ZNF462: variants seen among roughly 807,000 people sequenced by gnomAD.
ZNF462 encodes zinc finger PBX1-interacting protein.
In ZNF462, 10 loss-of-function variants were observed where a neutral mutation model predicts 201.9. The observed-to-expected ratio is 0.05, with a 90% CI of 0.03 to 0.08. The LOEUF (loss-of-function observed/expected upper bound fraction) is 0.08. ZNF462 is among the 10% of genes least tolerant of loss of function. The pLI, the probability that ZNF462 is intolerant of heterozygous loss-of-function variation, is 1.00. For synonymous variants in ZNF462, 1,227 were observed against 1,193.3 expected, an observed-to-expected ratio of 1.03 and a Z score of -0.58; for missense variants, 2,523 against 3,168.3, an observed-to-expected ratio of 0.80 and a Z score of 4.89.
Position 107,009,568 on chromosome 9 carries a change from G to A in ZNF462, c.7213G>A (p.Gly2405Arg), listed in dbSNP as rs755322564. The change falls in exon 12 of 13, where the codon GGG becomes AGG. Residue 2405 changes from glycine to arginine, a missense_variant. Coordinates refer to ENST00000277225, the MANE Select transcript of ZNF462 (RefSeq NM_021224.6). This position sits in a 1 kb window ranked among gnomAD's most constrained non-coding sequence, Gnocchi z 6.1. ...DRELMRFSDH[G>R]AALNTEKRFP... Reference sequence around the variant, plus strand: ...AGAGCTGATGAGATTTTCTGACCACGGGGCTGCTCTTAACACTGAGAAGCG... The same window carrying A: ...AGAGCTGATGAGATTTTCTGACCACAGGGCTGCTCTTAACACTGAGAAGCG... The A allele has an allele frequency of 2.4e-5, 38 of 1,613,826 alleles. No homozygotes were observed. The highest frequency in any genetic ancestry group is 9.3e-5 in the African/African-American group (7 of 74,916).
chr9:106,971,366 T>TAAAA (rs71491265), intron 7 of ZNF462, among the ~76,000 whole-genome samples: 1 of 126,786 alleles, frequency 7.9e-6, no homozygotes, highest in African/African-American at 3.4e-5. Context: ...CGATTTCCTT[T>TAAAA]AAAAAAAAAA....
At chr9:106,914,348 G>A (rs1267515849) in intron 1 of ZNF462, among the ~76,000 whole-genome samples, 1 of 152,172 alleles carries the variant, frequency 6.6e-6, no homozygotes, top group Admixed American at 6.5e-5. Flanking sequence ...GGACTGTCCT[G>A]TGCGTTGTAG....
intron 1 of ZNF462, among the ~76,000 whole-genome samples, chr9:106,911,098 T>C (rs1020315891): frequency 5.3e-5 from 8 of 152,190 alleles, no homozygotes; most frequent in African/African-American, 1.9e-4. Context: ...TGAACCCTTC[T>C]GAAGTTTTTA....
chr9:107,009,556 T>G lies in ZNF462; in HGVS notation c.7201T>G (p.Phe2401Val). ...SKAEDRELMR[F>V]SDHGAALNTE... is the part of the protein sequence containing the mutation. ...CTTTCTCTTTGCAGAGCTGATGAGA[T>G]TTTCTGACCACGGGGCTGCTCTTAA... Residue 2401 changes from phenylalanine (F) to valine (V), a missense_variant, in exon 12 of 13, where the codon TTT becomes GTT. Physicochemically the swap from Phe to Val is conservative, Grantham distance 50 (BLOSUM62 -1). Around this residue, in one of 15 missense-constraint regions of ZNF462, gnomAD observed 228 missense variants for 361.2 expected, o/e 0.63. Coordinates refer to ENST00000277225, the MANE Select transcript of ZNF462 (RefSeq NM_021224.6). The surrounding 1 kb of genome is among the most constrained non-coding windows in gnomAD (Gnocchi z 6.1). 6.2e-7 allele frequency: 1 copy of G among 1,613,942 alleles called. No homozygotes were observed. Among genetic ancestry groups the G allele is most frequent in the Non-Finnish European group, 8.5e-7 (1 of 1,179,912 alleles).
chr9:106,995,095 GCTGCTTAACTGGCC>G (rs1275734727), intron 10 of ZNF462, among the ~76,000 whole-genome samples: 1 of 152,134 alleles, frequency 6.6e-6, no homozygotes, highest in Non-Finnish European at 1.5e-5. Context: ...GAGATTGACA[GCTGCTTAACTGGCC>G]AGCCACAAAG....
At chr9:106,884,137 G>A (rs556677100) in intron 1 of ZNF462, among the ~76,000 whole-genome samples, 6 of 152,140 alleles carry the variant, frequency 3.9e-5, no homozygotes, top group African/African-American at 1.4e-4. Flanking sequence ...AACAAAAAGG[G>A]ATTTATTAAA....
intron 1 of ZNF462, among the ~76,000 whole-genome samples, chr9:106,921,344 A>G (rs1829983453): frequency 6.6e-6 from 1 of 152,238 alleles, no homozygotes; most frequent in Non-Finnish European, 1.5e-5. Context: ...GCTGCTTTTC[A>G]GAGAGAAATG....
At chr9:106,887,077 AT>A in intron 1 of ZNF462, among the ~76,000 whole-genome samples, 1 of 152,358 alleles carries the variant, frequency 6.6e-6, no homozygotes, top group South Asian at 2.1e-4. Context: ...AAAAGAGAAT[AT>A]TTAGTCAAGG....
At position 106,926,476 on chromosome 9, in the gene ZNF462, C is replaced by T; in HGVS notation, c.2564C>T (p.Ala855Val). 6.2e-7 allele frequency: 1 copy of T among 1,614,118 alleles called. No homozygotes were observed. The highest frequency in any genetic ancestry group is 8.5e-7 in the Non-Finnish European group (1 of 1,180,024). ...CKHCDFNNKS[A>V]RSVSTHYQRM... is the part of the protein sequence containing the mutation. ...CACTGTGACTTTAACAACAAATCTG[C>T]CCGGAGTGTTAGCACCCACTACCAA... The change falls in exon 3 of 13, where the codon GCC becomes GTC. Residue 855 changes from alanine (A) to valine (V), a missense_variant. Transcript: ENST00000277225. This position sits in a 1 kb window ranked among gnomAD's most constrained non-coding sequence, Gnocchi z 7.9.
At chr9:106,936,281 G>A (rs531637993) in intron 6 of ZNF462, among the ~76,000 whole-genome samples, 28 of 152,034 alleles carry the variant, frequency 1.8e-4, no homozygotes, top group Admixed American at 1.4e-3. Context: ...TGCACTAGGC[G>A]TGTTATATGC....
At chr9:106,939,480 C>T (rs960442386) in intron 7 of ZNF462, among the ~76,000 whole-genome samples, 3 of 152,248 alleles carry the variant, frequency 2.0e-5, no homozygotes, top group Middle Eastern at 3.4e-3. Context: ...AAAATATGTG[C>T]TGCGAAATGT....
In ZNF462 at chr9:106,974,125, A is replaced by T. The variant is rs1329029030; in HGVS notation, c.6696-12A>T. ...TTACACGCATCACCTCTCCTCCCAA[A>T]CTCTCTCCTAGATCTGCTTTTACTA... is the stretch of plus-strand genomic sequence containing the variant. On this transcript the variant is annotated splice_polypyrimidine_tract_variant and intron_variant, in intron 8 of 12. Coordinates refer to ENST00000277225, the MANE Select transcript of ZNF462 (RefSeq NM_021224.6). This position sits in a 1 kb window ranked among gnomAD's most constrained non-coding sequence, Gnocchi z 4.0. The T allele has an allele frequency of 6.2e-7, 1 of 1,613,320 alleles. No individual in the cohort carries two copies. Among genetic ancestry groups the T allele is most frequent in the Non-Finnish European group, 8.5e-7 (1 of 1,179,776 alleles).
Position 106,968,537 on chromosome 9 carries a change from GGGTTGGTTGGTT to G in ZNF462, c.6428-3449_6428-3438del, listed in dbSNP as rs368434088. 6.6e-6 allele frequency among the ~76,000 whole-genome samples: 1 copy of G among 151,866 alleles called. No homozygotes were observed. The highest frequency in any genetic ancestry group is 1.5e-5 in the Non-Finnish European group (1 of 68,024). ...CTCTTTTCTCAGACTGTATGTGTCA[GGGTTGGTTGGTT>G]GGTTGGTTGGTTGGTTGGGAATGTA... is the stretch of plus-strand genomic sequence containing the variant. On this transcript the variant is annotated intron_variant, in intron 7 of 12. Transcript: ENST00000277225. The surrounding 1 kb of genome is among the most constrained non-coding windows in gnomAD (Gnocchi z 4.0).
rs1409629506 is a variant in ZNF462 at position 106,972,075 on chromosome 9, G to A, written c.6498G>A (p.Arg2166=). ...LNHYQSAALA[R]NNSRVSPVPL... is the part of the protein sequence containing the mutation. ...ACTATCAGTCAGCTGCCCTGGCAAGGAACAACAGCCGTGTTAGCCCTGTGC... is the reference window on the plus strand; with the variant it reads ...ACTATCAGTCAGCTGCCCTGGCAAGAAACAACAGCCGTGTTAGCCCTGTGC... Residue 2166 remains arginine, a synonymous_variant, in exon 8 of 13, where the codon AGG becomes AGA. Transcript: ENST00000277225. This position sits in a 1 kb window ranked among gnomAD's most constrained non-coding sequence, Gnocchi z 4.8. 6.2e-7 allele frequency: 1 copy of A among 1,614,036 alleles called. No individual in the cohort carries two copies. Among genetic ancestry groups the A allele is most frequent in the African/African-American group, 1.3e-5 (1 of 74,908 alleles).
chr9:106,897,023 T>C (rs1165859263), intron 1 of ZNF462, among the ~76,000 whole-genome samples: 1 of 152,230 alleles, frequency 6.6e-6, no homozygotes, highest in Non-Finnish European at 1.5e-5. Flanking sequence ...TAATTTGTTT[T>C]CTGATTTCTC....
Position 106,932,994 on chromosome 9 carries a change from G to A in ZNF462, c.6116+445G>A, listed in dbSNP as rs528183955. Among the ~76,000 whole-genome samples the A allele has an allele frequency of 2.0e-5, 3 of 152,284 alleles. No homozygotes were observed. In the East Asian group the frequency reaches 5.8e-4, roughly 29 times the overall value. On this transcript the variant is annotated intron_variant, in intron 5 of 12. Transcript: ENST00000277225. The surrounding 1 kb of genome is among the most constrained non-coding windows in gnomAD (Gnocchi z 6.8). ...TGCAATTTTTCAAAAGATCTTGAAA[G>A]GTAAAGAAGTTCATGGATGCCAAAG...
At chr9:106,949,082 A>T (rs1315433710) in intron 7 of ZNF462, among the ~76,000 whole-genome samples, 3 of 152,232 alleles carry the variant, frequency 2.0e-5, no homozygotes. Flanking sequence ...CAGACTGCCT[A>T]GACTGTTCAG....
chr9:106,873,358 A>G (rs1434947268), intron 1 of ZNF462, among the ~76,000 whole-genome samples: 1 of 152,084 alleles, frequency 6.6e-6, no homozygotes, highest in Non-Finnish European at 1.5e-5. Flanking sequence ...TTAAAATTAT[A>G]TCAAACTCAG....
In ZNF462 at chr9:106,886,814, T is replaced by C. The variant is rs1828340273; in HGVS notation, c.-31+23459T>C. Among the ~76,000 whole-genome samples the C allele has an allele frequency of 6.6e-6, 1 of 152,130 alleles. No homozygotes were observed. The highest frequency in any genetic ancestry group is 1.5e-5 in the Non-Finnish European group (1 of 68,022). On this transcript the variant is annotated intron_variant, in intron 1 of 12. Transcript: ENST00000277225. This position sits in a 1 kb window ranked among gnomAD's most constrained non-coding sequence, Gnocchi z 4.6. ...CTTCTATTTCTCGTGCCAATTTTGA[T>C]TGATTGGTGGAGAATGCCTGGAGCT...
Sources: gnomAD v4.1 joint callset for allele counts (sites outside exome capture counted in the v4.1 genomes callset) on GRCh38, gnomAD v4.1.1 for gene constraint, gnomAD v4.1.1 regional missense constraint, Gnocchi (gnomAD v3.1) non-coding constraint, MANE v1.5 for transcripts, NCBI Gene and HGNC (gene_info 2026-07-23, HGNC 2026-07-21) for gene names.